Variants in FCHSD2 observed in about 807,000 individuals in gnomAD.
FCHSD2 encodes F-BAR and double SH3 domains protein 2.
Under a neutral mutation model 108.1 loss-of-function variants are expected in FCHSD2, and 38 were observed. The ratio of observed to expected loss-of-function variants is 0.35; its 90% CI spans 0.27 to 0.46. FCHSD2 has a LOEUF of 0.46. FCHSD2 is among the 20% of genes least tolerant of loss of function. FCHSD2 has a pLI of 1.00. For synonymous variants in FCHSD2, 279 were observed against 314.7 expected (o/e 0.89, Z 1.20); for missense variants, 751 against 897.8 (o/e 0.84, Z 2.09).
intron 12 of FCHSD2, among the ~76,000 whole-genome samples, chr11:72,881,511 A>G (rs1470703716): frequency 6.6e-6 from 1 of 152,240 alleles, no homozygotes; most frequent in Non-Finnish European, 1.5e-5. Context: ...TAGAACTACT[A>G]TATGATCCAG....
At chr11:72,941,222 T>G (rs1049705260) in intron 8 of FCHSD2, 3 of 263,662 alleles carry the variant, frequency 1.1e-5, no homozygotes, top group African/African-American at 7.0e-5. Flanking sequence ...AGAGGCCACA[T>G]GAGTCTTGTT....
At chr11:72,869,157 T>G (rs150620198) in intron 12 of FCHSD2, among the ~76,000 whole-genome samples, 2,032 of 152,248 alleles carry the variant, frequency 0.013, 37 homozygotes, top group African/African-American at 0.047. Flanking sequence ...TCCACCTGCT[T>G]CAGCCTCCCA....
chr11:72,884,563 A>C (rs1855158102), intron 12 of FCHSD2, among the ~76,000 whole-genome samples: 1 of 147,792 alleles, frequency 6.8e-6, no homozygotes, highest in Non-Finnish European at 1.5e-5. Flanking sequence ...GTTTATATAT[A>C]TGATGATATA....
intron 2 of FCHSD2, among the ~76,000 whole-genome samples, chr11:73,126,495 C>T (rs961069953): frequency 6.6e-6 from 1 of 151,754 alleles, no homozygotes; most frequent in African/African-American, 2.4e-5. Context: ...ATTCTTAATA[C>T]TTGTACATAT....
intron 5 of FCHSD2, among the ~76,000 whole-genome samples, chr11:72,991,275 C>T (rs1384048089): frequency 3.9e-5 from 6 of 152,144 alleles, no homozygotes; most frequent in African/African-American, 9.6e-5. Context: ...CCGAATTCTA[C>T]CAGAGGTACA....
At position 72,837,611 on chromosome 11, in the gene FCHSD2, G is replaced by A. The variant is rs969327933; in HGVS notation, c.*1180C>T. On this transcript the variant is annotated 3_prime_UTR_variant, in exon 20 of 20. Coordinates refer to ENST00000409418, the MANE Select transcript of FCHSD2 (RefSeq NM_014824.3). ...TGCAGGCTTGCTGGCCTGCAGAGAA[G>A]GCCACTCCTGGCTTTCCCTGTGACA... The A allele has an allele frequency of 6.6e-6, 1 of 152,252 alleles. No individual in the cohort carries two copies. Among genetic ancestry groups the A allele is most frequent in the Non-Finnish European group, 1.5e-5 (1 of 68,056 alleles). 9.4% of individuals were successfully genotyped at this position (152,252 alleles called of 1,614,324 possible).
intron 9 of FCHSD2, among the ~76,000 whole-genome samples, chr11:72,907,442 C>CTGAATGCTT (rs202001987): frequency 0.037 from 5,673 of 152,074 alleles, 130 homozygotes; most frequent in Non-Finnish European, 0.057. Flanking sequence ...CCAGTTTTTG[C>CTGAATGCTT]CCATTCAGTA....
intron 2 of FCHSD2, among the ~76,000 whole-genome samples, chr11:73,096,409 G>T (rs1199560819): frequency 6.8e-6 from 1 of 148,064 alleles, no homozygotes; most frequent in African/African-American, 2.5e-5. Flanking sequence ...AAATTAGCCA[G>T]ATGTGGTGGC....
intron 1 of FCHSD2, among the ~76,000 whole-genome samples, chr11:73,140,612 G>A (rs544852572): frequency 8.5e-5 from 13 of 152,306 alleles, no homozygotes; most frequent in African/African-American, 3.1e-4. Context: ...CTCCATAATG[G>A]CTGCGAAAAA....
intron 4 of FCHSD2, among the ~76,000 whole-genome samples, chr11:73,009,870 A>G (rs1857824372): frequency 6.6e-6 from 1 of 152,056 alleles, no homozygotes; most frequent in African/African-American, 2.4e-5. Flanking sequence ...ACTATAATGT[A>G]CCATGGAGAA....
chr11:73,100,772 T>C (rs966284071), intron 2 of FCHSD2, among the ~76,000 whole-genome samples: 3 of 152,138 alleles, frequency 2.0e-5, no homozygotes, highest in Non-Finnish European at 4.4e-5. Context: ...TTCGAATCTA[T>C]TGGGTAGCTG....
chr11:72,887,377 G>T, intron 12 of FCHSD2, 93 bp downstream of exon 12: 1 of 764,404 alleles, frequency 1.3e-6, no homozygotes, highest in Non-Finnish European at 2.2e-6. Context: ...CTTCATCTCA[G>T]TGTGTGTAGA....
At chr11:73,093,022 A>G (rs775954641) in intron 2 of FCHSD2, among the ~76,000 whole-genome samples, 3 of 152,022 alleles carry the variant, frequency 2.0e-5, no homozygotes, top group African/African-American at 7.3e-5. Context: ...TATCATCTCA[A>G]CCTCTGGAGA....
At chr11:72,942,432 A>T (rs548821112) in intron 8 of FCHSD2, among the ~76,000 whole-genome samples, 1 of 152,356 alleles carries the variant, frequency 6.6e-6, no homozygotes, top group African/African-American at 2.4e-5. Flanking sequence ...ATGGGCTAAC[A>T]CAGGCAGGAA....
At chr11:72,881,336 A>G (rs771092321) in intron 12 of FCHSD2, among the ~76,000 whole-genome samples, 4 of 152,254 alleles carry the variant, frequency 2.6e-5, no homozygotes, top group East Asian at 1.9e-4. Context: ...CCAAAATCAG[A>G]TATCATCTTA....
intron 10 of FCHSD2, among the ~76,000 whole-genome samples, chr11:72,891,716 T>C (rs1855318564): frequency 6.6e-6 from 1 of 152,234 alleles, no homozygotes; most frequent in African/African-American, 2.4e-5. Context: ...GAATCCATTG[T>C]ATGCCATTTT....
At chr11:73,104,416 C>T (rs1226737815) in intron 2 of FCHSD2, among the ~76,000 whole-genome samples, 1 of 152,074 alleles carries the variant, frequency 6.6e-6, no homozygotes, top group Non-Finnish European at 1.5e-5. Context: ...ATTACAGACG[C>T]ACACCACCAT....
chr11:72,947,852 A>G (rs1470721097), intron 8 of FCHSD2, among the ~76,000 whole-genome samples: 8 of 152,260 alleles, frequency 5.3e-5, no homozygotes, highest in Admixed American at 5.2e-4. Flanking sequence ...ACAGACTTTA[A>G]AAACAAATTC....
chr11:72,991,278 G>C (rs1489657824), intron 5 of FCHSD2, among the ~76,000 whole-genome samples: 1 of 152,118 alleles, frequency 6.6e-6, no homozygotes, highest in Non-Finnish European at 1.5e-5. Context: ...AATTCTACCA[G>C]AGGTACAAGG....
Sources: gnomAD v4.1 joint callset for allele counts (sites outside exome capture counted in the v4.1 genomes callset) on GRCh38, gnomAD v4.1.1 for gene constraint, MANE v1.5 for transcripts, NCBI Gene and HGNC (gene_info 2026-07-23, HGNC 2026-07-21) for gene names.